The following SF3A3 variants were observed in gnomAD, a reference collection of about 807,000 sequenced individuals.
SF3A3 encodes the protein splicing factor 3a subunit 3.
In SF3A3, 9 loss-of-function variants were observed where a neutral mutation model predicts 85.8. That is an observed-to-expected ratio of 0.10 (90% CI 0.06 to 0.18). SF3A3 has a LOEUF of 0.18. Among genes scored for constraint, SF3A3 ranks in the 10% least tolerant of loss-of-function variants. The pLI is 1.00. For missense variants in SF3A3, 306 were observed against 593.3 expected, an observed-to-expected ratio of 0.52 and a Z score of 5.03; for synonymous variants, 195 against 204.4, an observed-to-expected ratio of 0.95 and a Z score of 0.39.
At chr1:37,969,207 T>C (rs773512230) in intron 14 of SF3A3, 147 bp downstream of exon 14, 17 of 626,734 alleles carry the variant, frequency 2.7e-5, no homozygotes, top group Non-Finnish European at 4.2e-5. Flanking sequence ...AAAAGTCAAA[T>C]GCCATGGGCT....
At chr1:37,985,730 T>TA (rs2148724732) in intron 4 of SF3A3, among the ~76,000 whole-genome samples, 1 of 152,312 alleles carries the variant, frequency 6.6e-6, no homozygotes, top group African/African-American at 2.4e-5. Context: ...GGTATTCATT[T>TA]ATTCTCCCTT....
At chr1:37,962,162 A>T (rs1236904945) in intron 15 of SF3A3, among the ~76,000 whole-genome samples, 1 of 151,394 alleles carries the variant, frequency 6.6e-6, no homozygotes, top group Non-Finnish European at 1.5e-5. Flanking sequence ...TAATATGCAC[A>T]TCAGGAAGGA....
intron 12 of SF3A3, among the ~76,000 whole-genome samples, chr1:37,975,377 G>A (rs1170085924): frequency 6.6e-6 from 1 of 152,118 alleles, no homozygotes. Flanking sequence ...TTAGCCAGGT[G>A]TGGTGGCACA....
intron 15 of SF3A3, among the ~76,000 whole-genome samples, chr1:37,965,389 A>C (rs1646292376): frequency 2.0e-5 from 3 of 151,694 alleles, no homozygotes; most frequent in South Asian, 4.2e-4. Context: ...AAATTATATA[A>C]GTTAAAGAAT....
intron 2 of SF3A3, among the ~76,000 whole-genome samples, chr1:37,989,064 G>A (rs1345706374): frequency 6.6e-6 from 1 of 151,966 alleles, no homozygotes; most frequent in Non-Finnish European, 1.5e-5. Context: ...GGCCGAGGTA[G>A]GTGGATCACG....
intron 12 of SF3A3, among the ~76,000 whole-genome samples, chr1:37,975,132 T>G (rs1455028348): frequency 1.3e-5 from 2 of 152,214 alleles, no homozygotes; most frequent in Admixed American, 6.5e-5. Flanking sequence ...GCAAAAATCT[T>G]ATCAGTTCAT....
At chr1:37,965,118 C>G (rs1423392272) in intron 15 of SF3A3, among the ~76,000 whole-genome samples, 1 of 151,932 alleles carries the variant, frequency 6.6e-6, no homozygotes, top group Non-Finnish European at 1.5e-5. Flanking sequence ...AGATCAGCCA[C>G]TGCATTCCAG....
chr1:37,974,390 C>T (rs1570462345), intron 12 of SF3A3, among the ~76,000 whole-genome samples: 1 of 147,150 alleles, frequency 6.8e-6, no homozygotes, highest in South Asian at 2.1e-4. Context: ...GCAACCTCTG[C>T]CTCCTGGGTT....
intron 4 of SF3A3, among the ~76,000 whole-genome samples, chr1:37,987,048 C>A (rs1032897928): frequency 3.3e-5 from 5 of 152,082 alleles, no homozygotes; most frequent in African/African-American, 1.2e-4. Context: ...TGTGCTCAGT[C>A]ACTGGCTGGG....
intron 12 of SF3A3, 58 bp from the exon 13 acceptor site, chr1:37,969,793 A>C: frequency 6.3e-7 from 1 of 1,577,270 alleles, no homozygotes; most frequent in South Asian, 1.1e-5. Flanking sequence ...AAGAAGGGAA[A>C]TTTCCTGTTT....
intron 15 of SF3A3, chr1:37,960,486 GACTTT>G: frequency 3.1e-6 from 1 of 326,906 alleles, no homozygotes; most frequent in East Asian, 4.8e-5. Flanking sequence ...TGGGGAAAGT[GACTTT>G]ACTTTCTTAA....
At chr1:37,983,586 C>CAACAAAAAAAAAAAAAAAAA (rs1646435177) in intron 6 of SF3A3, among the ~76,000 whole-genome samples, 1 of 38,490 alleles carries the variant, frequency 2.6e-5, no homozygotes, top group Non-Finnish European at 3.9e-5. Flanking sequence ...GACCCTGTCT[C>CAACAAAAAAAAAAAAAAAAA]AAAAAAAAAA....
intron 15 of SF3A3, among the ~76,000 whole-genome samples, chr1:37,961,626 T>A (rs1364177567): frequency 2.0e-5 from 3 of 150,036 alleles, no homozygotes; most frequent in African/African-American, 7.4e-5. Context: ...CAAGCCCAGG[T>A]AATATGCACA....
intron 15 of SF3A3, 51 bp downstream of exon 15, chr1:37,967,990 AAGG>A: frequency 3.8e-6 from 4 of 1,065,586 alleles, no homozygotes; most frequent in Non-Finnish European, 4.4e-6. Context: ...TGCTGAATTG[AAGG>A]AGTAGAGCCA....
intron 11 of SF3A3, among the ~76,000 whole-genome samples, chr1:37,978,466 C>A (rs961109061): frequency 2.0e-5 from 3 of 151,968 alleles, no homozygotes; most frequent in Non-Finnish European, 2.9e-5. Context: ...CCTCCATAAC[C>A]TATTAAAGGT....
intron 16 of SF3A3, among the ~76,000 whole-genome samples, chr1:37,959,448 C>T (rs960677465): frequency 6.6e-6 from 1 of 152,076 alleles, no homozygotes; most frequent in African/African-American, 2.4e-5. Context: ...CTTACTCTGT[C>T]ACCCAGACTG....
In SF3A3 at chr1:37,969,613, G is replaced by A. The variant is rs1343243790; in HGVS notation, c.1128C>T (p.Ile376=). 5 of 1,614,162 alleles carry A rather than the reference G, an allele frequency of 3.1e-6. No homozygotes were observed. Among genetic ancestry groups the A allele is most frequent in the Non-Finnish European group, 3.4e-6 (4 of 1,180,010 alleles). Residue 376 remains isoleucine, a synonymous_variant, in exon 13 of 17, where the codon ATC becomes ATT. Coordinates refer to ENST00000373019, the MANE Select transcript of SF3A3 (RefSeq NM_006802.4). ...GTGGCAGGTTTTTGGGGTTGTAAAT[G>A]ATCTCGTTCTCTTCATCTTCACTCT... ...ESESEDEENE[I]IYNPKNLPLG...
Position 37,971,045 on chromosome 1 carries a change from T to G in SF3A3, c.1006-1310A>C, listed in dbSNP as rs1646341561. 2.0e-5 allele frequency among the ~76,000 whole-genome samples: 3 copies of G among 151,652 alleles called. No homozygotes were observed. The South Asian group carries it at 6.2e-4, about 31-fold the overall frequency. On this transcript the variant is annotated intron_variant, in intron 12 of 16. Transcript: ENST00000373019. ...AGGAGACAGACACACAAAAAAACCC[T>G]TCAAAAAAAATCAATGAATCCAGGA...
At chr1:37,965,501 C>G (rs921520238) in intron 15 of SF3A3, among the ~76,000 whole-genome samples, 1 of 152,146 alleles carries the variant, frequency 6.6e-6, no homozygotes, top group African/African-American at 2.4e-5. Flanking sequence ...CGCCTGCAAT[C>G]CCAGCACTTT....
Sources: allele counts gnomAD v4.1 joint callset (sites outside exome capture counted in the v4.1 genomes callset), GRCh38; gene constraint gnomAD v4.1.1; transcripts MANE v1.5; gene names NCBI Gene and HGNC (gene_info 2026-07-23, HGNC 2026-07-21).